The following VPS45 variants were observed in gnomAD, a reference collection of about 807,000 sequenced individuals.
The protein encoded by VPS45 is vacuolar protein sorting-associated protein 45.
A neutral mutation model predicts 75.9 loss-of-function variants in VPS45; 35 were observed. The observed-to-expected ratio is 0.46, with a 90% confidence interval of 0.35 to 0.61. The LOEUF (loss-of-function observed/expected upper bound fraction) is 0.61, where lower values mean the gene tolerates loss of function less well. VPS45 is among the 20% of genes least tolerant of loss of function. The probability of loss-of-function intolerance (pLI) is 0.00; values close to 1 mark genes in which losing one functional copy is unlikely to be tolerated. For synonymous variants in VPS45, 220 were observed against 238.2 expected, an observed-to-expected ratio of 0.92 and a Z score of 0.70; for missense variants, 559 against 685.9, an observed-to-expected ratio of 0.81 and a Z score of 2.07.
intron 14 of VPS45, 45 bp downstream of exon 14, chr1:150,110,672 G>A (rs781952413): frequency 2.0e-6 from 3 of 1,525,574 alleles, no homozygotes; most frequent in African/African-American, 1.4e-5. Context: ...CTTTCCCAGA[G>A]GATAAAGCTT....
chr1:150,081,239 G>C (rs1011070072), intron 7 of VPS45, 103 bp from the exon 8 acceptor site: 18 of 1,136,952 alleles, frequency 1.6e-5, no homozygotes, highest in South Asian at 3.4e-5. Flanking sequence ...TTCATGTAAA[G>C]AAGACTAGTT....
rs782626266 is a variant in VPS45, at chr1:150,091,925, A to G, written c.1105-12A>G. On this transcript the variant is annotated splice_polypyrimidine_tract_variant and intron_variant, in intron 10 of 14. Coordinates refer to ENST00000644510, the MANE Select transcript of VPS45 (RefSeq NM_007259.5). Reference sequence around the variant, plus strand: ...TGAAAGGGGGATAAATATAAGTTCTATCTTTCTTCAGAATATAAAAAGGCT... The same window carrying G: ...TGAAAGGGGGATAAATATAAGTTCTGTCTTTCTTCAGAATATAAAAAGGCT... 7.5e-6 allele frequency: 12 copies of G among 1,610,716 alleles called. No homozygotes were observed. The highest frequency in any genetic ancestry group is 2.7e-5 in the African/African-American group (2 of 74,754).
intron 10 of VPS45, among the ~76,000 whole-genome samples, chr1:150,083,819 T>C (rs1553800059): frequency 6.6e-6 from 1 of 151,810 alleles, no homozygotes; most frequent in Non-Finnish European, 1.5e-5. Flanking sequence ...GTTATGGCCA[T>C]TGGAAGGAAG....
chr1:150,067,696 C>A (rs587670121), upstream of VPS45: 267 of 676,026 alleles, frequency 3.9e-4, no homozygotes, highest in Middle Eastern at 3.0e-3. Context: ...GTCCCCTGTA[C>A]ACTCCAGCGG....
intron 10 of VPS45, among the ~76,000 whole-genome samples, chr1:150,088,385 G>C (rs1197699685): frequency 7.0e-6 from 1 of 142,764 alleles, no homozygotes; most frequent in East Asian, 2.1e-4. Flanking sequence ...AGGTTAATCT[G>C]TTTTGCCACA....
intron 14 of VPS45, among the ~76,000 whole-genome samples, chr1:150,111,813 C>T (rs1553807218): frequency 2.0e-5 from 3 of 152,134 alleles, no homozygotes; most frequent in South Asian, 2.1e-4. Context: ...ACCACTGTTA[C>T]GTTTTAGTGT....
chr1:150,070,425 T>A (rs1654988615), intron 2 of VPS45, among the ~76,000 whole-genome samples: 2 of 152,172 alleles, frequency 1.3e-5, no homozygotes. Context: ...GATCATCTAG[T>A]TCATTATTTC....
chr1:150,082,083 A>C, intron 9 of VPS45, 86 bp downstream of exon 9: 1 of 779,630 alleles, frequency 1.3e-6, no homozygotes, highest in South Asian at 1.8e-5. Flanking sequence ...TTCTGGGTCT[A>C]ATTTCTACCT....
At chr1:150,144,577 C>T (rs1659572567) in intron 14 of VPS45, 132 bp from the exon 15 acceptor site, 3 of 749,068 alleles carry the variant, frequency 4.0e-6, no homozygotes, top group Non-Finnish European at 6.4e-6. Context: ...ATTCTATACC[C>T]AAATATCAGA....
chr1:150,101,406 C>A (rs1311053979), intron 13 of VPS45, among the ~76,000 whole-genome samples: 2 of 151,902 alleles, frequency 1.3e-5, no homozygotes, highest in African/African-American at 4.8e-5. Flanking sequence ...TGGTGAGATA[C>A]CATCTCAACA....
At chr1:150,136,900 A>ATTTG (rs1553813879) in intron 14 of VPS45, among the ~76,000 whole-genome samples, 1 of 151,666 alleles carries the variant, frequency 6.6e-6, no homozygotes, top group Admixed American at 6.6e-5. Flanking sequence ...CCAGATGTAG[A>ATTTG]TTTGTTTGTT....
chr1:150,076,769 AC>A (rs1242702280), intron 4 of VPS45, 146 bp from the exon 5 acceptor site: 7 of 744,138 alleles, frequency 9.4e-6, no homozygotes, highest in African/African-American at 1.8e-5. Flanking sequence ...GACTGTTGTT[AC>A]CCAATTATTA....
rs187285579 is a variant in VPS45, at chr1:150,128,259, G to A, written c.1626-16450G>A. 3.7e-3 allele frequency among the ~76,000 whole-genome samples: 548 copies of A among 149,776 alleles called. 2 individuals carry two copies. Among genetic ancestry groups the A allele is most frequent in the Non-Finnish European group, 6.3e-3 (428 of 67,814 alleles). Reference sequence around the variant, plus strand: ...AGAGGTTGCAGTGAGTCAAGTTCGCGCCACTGCACTCCAGCCTGGGTAACA... The same window carrying A: ...AGAGGTTGCAGTGAGTCAAGTTCGCACCACTGCACTCCAGCCTGGGTAACA... On this transcript the variant is annotated intron_variant, in intron 14 of 14. Coordinates refer to ENST00000644510, the MANE Select transcript of VPS45 (RefSeq NM_007259.5).
intron 2 of VPS45, 72 bp from the exon 3 acceptor site, chr1:150,072,094 G>A (rs1655104992): frequency 2.3e-6 from 3 of 1,319,898 alleles, no homozygotes; most frequent in Admixed American, 1.8e-5. Flanking sequence ...ACAAATCAAT[G>A]GGTGAATGCT....
intron 14 of VPS45, among the ~76,000 whole-genome samples, chr1:150,122,985 T>C (rs1181682874): frequency 7.1e-5 from 2 of 28,224 alleles, no homozygotes; most frequent in African/African-American, 1.5e-4. Context: ...CGAAACTCCT[T>C]CTCAAAAAAA....
chr1:150,126,256 G>A (rs1658512709), intron 14 of VPS45, among the ~76,000 whole-genome samples: 1 of 151,976 alleles, frequency 6.6e-6, no homozygotes, highest in Non-Finnish European at 1.5e-5. Flanking sequence ...TGTCGCCCAT[G>A]CTGGAGTGCA....
chr1:150,105,779 C>T (rs1657288658), intron 13 of VPS45, among the ~76,000 whole-genome samples: 2 of 152,080 alleles, frequency 1.3e-5, no homozygotes, highest in South Asian at 4.2e-4. Context: ...TGATATGGAA[C>T]CAGAAGAAAG....
chr1:150,083,477 TATG>T (rs1655834863), intron 10 of VPS45, among the ~76,000 whole-genome samples: 1 of 151,852 alleles, frequency 6.6e-6, no homozygotes, highest in Non-Finnish European at 1.5e-5. Flanking sequence ...TACCAAGCAC[TATG>T]TACTATATTA....
chr1:150,143,541 TTG>T (rs1311142449), intron 14 of VPS45, among the ~76,000 whole-genome samples: 1 of 151,882 alleles, frequency 6.6e-6, no homozygotes, highest in Non-Finnish European at 1.5e-5. Flanking sequence ...TGAGCTGAGA[TTG>T]TGCCATTGCA....
Sources: gnomAD v4.1 joint callset for allele counts (sites outside exome capture counted in the v4.1 genomes callset) on GRCh38, gnomAD v4.1.1 for gene constraint, MANE v1.5 for transcripts, NCBI Gene and HGNC (gene_info 2026-07-23, HGNC 2026-07-21) for gene names.